RFX3: variants seen among roughly 807,000 people sequenced by gnomAD.
The protein encoded by RFX3 is regulatory factor X3, also known as transcription factor RFX3.
A neutral mutation model predicts 98.6 loss-of-function variants in RFX3; 14 were observed. The observed-to-expected ratio is 0.14, with a 90% CI of 0.09 to 0.22. The LOEUF (loss-of-function observed/expected upper bound fraction) is 0.22. Ranked by LOEUF, RFX3 falls within the 10% of genes least tolerant of loss-of-function variation. RFX3 has a pLI of 1.00. For synonymous variants in RFX3, 383 were observed against 328.4 expected, an observed-to-expected ratio of 1.17 and a Z score of -1.80; for missense variants, 639 against 926.9, an observed-to-expected ratio of 0.69 and a Z score of 4.03.
At chr9:3,407,868 C>G (rs150928783) in intron 1 of RFX3, among the ~76,000 whole-genome samples, 253 of 152,226 alleles carry the variant, frequency 1.7e-3, no homozygotes, top group African/African-American at 5.8e-3. Flanking sequence ...TTCAGAGTTT[C>G]TACACTACCT....
At chr9:3,442,929 T>C (rs901199540) in intron 1 of RFX3, among the ~76,000 whole-genome samples, 1 of 152,100 alleles carries the variant, frequency 6.6e-6, no homozygotes, top group Non-Finnish European at 1.5e-5. Flanking sequence ...TGAAAGACAC[T>C]GTACAGGAAT....
In RFX3 at chr9:3,231,619, T is replaced by C. The variant is rs186821788; in HGVS notation, c.1969-2730A>G. 3.0e-3 allele frequency among the ~76,000 whole-genome samples: 462 copies of C among 151,866 alleles called. 1 individual carries two copies. The highest frequency in any genetic ancestry group is 5.6e-3 in the Non-Finnish European group (378 of 67,972). ...AAGTATAGGGTTCAAGTCTTAGAAA[T>C]GGAAACCAATTGCATGGGTTTATGG... On this transcript the variant is annotated intron_variant, in intron 15 of 16. Transcript: ENST00000617270.
At chr9:3,332,156 T>A (rs1832673223) in intron 3 of RFX3, among the ~76,000 whole-genome samples, 1 of 152,116 alleles carries the variant, frequency 6.6e-6, no homozygotes, top group African/African-American at 2.4e-5. Context: ...ATTCATAATG[T>A]TCTCTATTAT....
At chr9:3,506,216 T>C (rs1389281185) in intron 1 of RFX3, among the ~76,000 whole-genome samples, 1 of 151,140 alleles carries the variant, frequency 6.6e-6, no homozygotes, top group Non-Finnish European at 1.5e-5. Context: ...TTTTTTTTTT[T>C]TTAAAAAAAA....
At chr9:3,517,386 T>C (rs1818286271) in intron 1 of RFX3, among the ~76,000 whole-genome samples, 1 of 152,212 alleles carries the variant, frequency 6.6e-6, no homozygotes, top group Non-Finnish European at 1.5e-5. Context: ...CCTTTCTCCT[T>C]TTATCATCTT....
At chr9:3,468,825 AAAAAAAG>A (rs1287969881) in intron 1 of RFX3, among the ~76,000 whole-genome samples, 9 of 151,092 alleles carry the variant, frequency 6.0e-5, no homozygotes, top group African/African-American at 9.7e-5. Context: ...GAAAAAAAAA[AAAAAAAG>A]AAAAAAGAAA....
intron 3 of RFX3, among the ~76,000 whole-genome samples, chr9:3,332,697 G>C (rs12003329): frequency 2.0e-5 from 3 of 152,074 alleles, no homozygotes; most frequent in African/African-American, 7.2e-5. Flanking sequence ...TCAGGGGGTC[G>C]TGCCTACATA....
At chr9:3,260,914 CTA>C (rs368034885) in intron 13 of RFX3, among the ~76,000 whole-genome samples, 12 of 148,268 alleles carry the variant, frequency 8.1e-5, no homozygotes, top group East Asian at 2.0e-4. Flanking sequence ...ATCTCTCTCT[CTA>C]TATATATATA....
chr9:3,474,270 T>C (rs1055800066), intron 1 of RFX3, among the ~76,000 whole-genome samples: 3 of 152,254 alleles, frequency 2.0e-5, no homozygotes, highest in Admixed American at 1.3e-4. Context: ...AGTCTATTTA[T>C]ACATTTTGCA....
intron 1 of RFX3, among the ~76,000 whole-genome samples, chr9:3,477,590 G>T (rs1416167252): frequency 2.0e-5 from 3 of 152,134 alleles, no homozygotes; most frequent in Non-Finnish European, 4.4e-5. Context: ...CTACTTTCAA[G>T]ATTTTTCTTT....
At chr9:3,462,300 C>G (rs1847770093) in intron 1 of RFX3, among the ~76,000 whole-genome samples, 1 of 151,978 alleles carries the variant, frequency 6.6e-6, no homozygotes, top group Non-Finnish European at 1.5e-5. Flanking sequence ...GATATTTCAC[C>G]AGATTAACAG....
At chr9:3,521,582 C>A (rs1473249292) in intron 1 of RFX3, among the ~76,000 whole-genome samples, 2 of 151,996 alleles carry the variant, frequency 1.3e-5, no homozygotes, top group South Asian at 4.1e-4. Flanking sequence ...TAAAAGTGAA[C>A]CTTAGAAATC....
chr9:3,411,433 G>A lies in RFX3; in HGVS notation c.-8-15837C>T, dbSNP rs189199467. The stretch of plus-strand genomic sequence containing the variant: ...GCTGAAGTGCAGTGGCATGATCTCG[G>A]CTCACTGCAACCTCCACCTCCCAGG... On this transcript the variant is annotated intron_variant, in intron 1 of 16. Transcript: ENST00000617270. Among the ~76,000 whole-genome samples, 3 of 152,056 alleles carry A rather than the reference G, an allele frequency of 2.0e-5. No individual in the cohort carries two copies. In the East Asian group the frequency reaches 5.8e-4, roughly 29 times the overall value.
intron 5 of RFX3, among the ~76,000 whole-genome samples, chr9:3,294,001 T>C (rs1827699612): frequency 6.6e-6 from 1 of 152,166 alleles, no homozygotes; most frequent in South Asian, 2.1e-4. Context: ...ACTTTTTCAG[T>C]CTATGTTCAC....
chr9:3,517,745 C>G (rs559646392), intron 1 of RFX3, among the ~76,000 whole-genome samples: 2 of 152,192 alleles, frequency 1.3e-5, no homozygotes, highest in Admixed American at 1.3e-4. Flanking sequence ...AGAAGGGAGC[C>G]TTCTGAATCA....
intron 2 of RFX3, among the ~76,000 whole-genome samples, chr9:3,355,799 C>CA (rs1295291069): frequency 6.6e-6 from 1 of 151,818 alleles, no homozygotes. Flanking sequence ...AAACAAGTCC[C>CA]AACAAATTTA....
At chr9:3,278,899 T>C (rs1825576888) in intron 7 of RFX3, among the ~76,000 whole-genome samples, 1 of 151,808 alleles carries the variant, frequency 6.6e-6, no homozygotes, top group Non-Finnish European at 1.5e-5. Flanking sequence ...TGACTCCTCA[T>C]TACAAAAAAA....
chr9:3,351,971 A>C (rs1835189611), intron 2 of RFX3, among the ~76,000 whole-genome samples: 1 of 151,994 alleles, frequency 6.6e-6, no homozygotes, highest in Admixed American at 6.6e-5. Flanking sequence ...TGTACAAAAA[A>C]ATTTCAAAAA....
intron 1 of RFX3, among the ~76,000 whole-genome samples, chr9:3,499,114 CAATG>C (rs1851310129): frequency 6.6e-6 from 1 of 152,028 alleles, no homozygotes; most frequent in South Asian, 2.1e-4. Flanking sequence ...GTAAAACAAA[CAATG>C]AACAGATTAT....
Sources: gnomAD v4.1 joint callset for allele counts (sites outside exome capture counted in the v4.1 genomes callset) on GRCh38, gnomAD v4.1.1 for gene constraint, MANE v1.5 for transcripts, NCBI Gene and HGNC (gene_info 2026-07-23, HGNC 2026-07-21) for gene names.